MYO1D: variants seen among roughly 807,000 people sequenced by gnomAD.
MYO1D encodes unconventional myosin-Id.
Under a neutral mutation model 122.0 loss-of-function variants are expected in MYO1D, and 83 were observed. That is an observed-to-expected ratio of 0.68 (90% CI 0.57 to 0.82). MYO1D has a LOEUF of 0.82. Ranked by LOEUF, MYO1D falls within the 40% of genes least tolerant of loss-of-function variation. The probability of loss-of-function intolerance (pLI) is 0.00; values close to 1 mark genes in which losing one functional copy is unlikely to be tolerated. For missense variants in MYO1D, 1,157 were observed against 1,269.5 expected, an observed-to-expected ratio of 0.91 and a Z score of 1.35; for synonymous variants, 464 against 446.9, an observed-to-expected ratio of 1.04 and a Z score of -0.48.
intron 21 of MYO1D, chr17:32,496,292 G>C (rs1015344870): frequency 6.6e-6 from 1 of 152,288 alleles, no homozygotes; most frequent in Non-Finnish European, 1.5e-5. Context: ...AGTTTCAGAG[G>C]TAAGTGCGGG....
intron 21 of MYO1D, among the ~76,000 whole-genome samples, chr17:32,579,968 G>T (rs2087315669): frequency 6.6e-6 from 1 of 152,080 alleles, no homozygotes; most frequent in African/African-American, 2.4e-5. Context: ...GTCTTTATAT[G>T]GATAAATGTG....
In MYO1D at chr17:32,851,706, C is replaced by T. The variant is rs140307363; in HGVS notation, c.95+25072G>A. 5.5e-3 allele frequency among the ~76,000 whole-genome samples: 842 copies of T among 152,320 alleles called. 10 individuals are homozygous for T. Among genetic ancestry groups the T allele is most frequent in the African/African-American group, 0.019 (779 of 41,566 alleles). Reference sequence around the variant, plus strand: ...TGGTTTCAGGGTGAAACTGTTCCACCTCAGATCATCAGGCATTAGAGTCTC... The same window carrying T: ...TGGTTTCAGGGTGAAACTGTTCCACTTCAGATCATCAGGCATTAGAGTCTC... On this transcript the variant is annotated intron_variant, in intron 1 of 21. Coordinates refer to ENST00000318217, the MANE Select transcript of MYO1D (RefSeq NM_015194.3).
At chr17:32,861,120 C>A (rs1016622057) in intron 1 of MYO1D, among the ~76,000 whole-genome samples, 1 of 149,876 alleles carries the variant, frequency 6.7e-6, no homozygotes, top group African/African-American at 2.5e-5. Context: ...CCAGGCTGGA[C>A]TGCAGTGGCG....
intron 20 of MYO1D, among the ~76,000 whole-genome samples, chr17:32,611,214 A>C (rs372775027): frequency 1.3e-5 from 2 of 152,256 alleles, no homozygotes; most frequent in East Asian, 3.8e-4. Flanking sequence ...GAAAATCTCT[A>C]ATCCATATTC....
chr17:32,864,003 CTTCCTTTTTTTTTTTTT>C (rs2091100547), intron 1 of MYO1D, among the ~76,000 whole-genome samples: 2 of 24,790 alleles, frequency 8.1e-5, no homozygotes, highest in Admixed American at 9.1e-4. Context: ...ACAAACATTT[CTTCCTTTTTTTTTTTTT>C]TTTTTTTTTT....
At chr17:32,545,151 T>C (rs1411999740) in intron 21 of MYO1D, among the ~76,000 whole-genome samples, 1 of 152,168 alleles carries the variant, frequency 6.6e-6, no homozygotes, top group African/African-American at 2.4e-5. Context: ...CATCTCTCTT[T>C]GGGCAGAGTG....
chr17:32,732,295 C>T lies in MYO1D; in HGVS notation c.1746+5958G>A, dbSNP rs569006044. The stretch of plus-strand genomic sequence containing the variant: ...GGTGAAATCCCACCTTTGGGCCAGG[C>T]TGCCAGTTCCATGGTCCAGAGTGAG... On this transcript the variant is annotated intron_variant, in intron 14 of 21. Coordinates refer to ENST00000318217, the MANE Select transcript of MYO1D (RefSeq NM_015194.3). Among the ~76,000 whole-genome samples, 167 of 152,326 alleles carry T rather than the reference C, an allele frequency of 1.1e-3. 1 individual carries two copies. Among genetic ancestry groups the T allele is most frequent in the African/African-American group, 3.9e-3 (164 of 41,578 alleles).
chr17:32,493,969 A>G lies in MYO1D; in HGVS notation c.*790T>C, dbSNP rs964381628. On this transcript the variant is annotated 3_prime_UTR_variant, in exon 22 of 22. Coordinates refer to ENST00000318217, the MANE Select transcript of MYO1D (RefSeq NM_015194.3). ...TGACCCAAGTGTGGTGACAGCAGGT[A>G]TCTGATTAGCAACCCTGCAAACGGT... 1.3e-5 allele frequency: 2 copies of G among 152,272 alleles called. No homozygotes were observed. Among genetic ancestry groups the G allele is most frequent in the African/African-American group, 2.4e-5 (1 of 41,456 alleles). 9.4% of individuals were successfully genotyped at this position (152,272 alleles called of 1,614,324 possible).
intron 21 of MYO1D, among the ~76,000 whole-genome samples, chr17:32,559,702 C>A (rs2087100251): frequency 6.6e-6 from 1 of 152,186 alleles, no homozygotes; most frequent in African/African-American, 2.4e-5. Context: ...CTAAATTGAA[C>A]ACTTCTGGCA....
chr17:32,781,494 G>A lies in MYO1D; in HGVS notation c.96-710C>T, dbSNP rs567429270. ...TGGGACAGCTGGTTGAAAGGCATGT[G>A]TATTTTTAAAGTATATATAATATGA... is the stretch of plus-strand genomic sequence containing the variant. On this transcript the variant is annotated intron_variant, in intron 1 of 21. Transcript: ENST00000318217. Among the ~76,000 whole-genome samples the A allele has an allele frequency of 3.9e-5, 6 of 152,152 alleles. No homozygotes were observed. The South Asian group carries it at 1.2e-3, about 32-fold the overall frequency.
chr17:32,603,858 T>C (rs2087593613), intron 21 of MYO1D, among the ~76,000 whole-genome samples: 1 of 152,186 alleles, frequency 6.6e-6, no homozygotes, highest in Non-Finnish European at 1.5e-5. Context: ...TTCTTAGCTT[T>C]ACATTTATTT....
chr17:32,801,882 G>GC (rs141428260), intron 1 of MYO1D, among the ~76,000 whole-genome samples: 5,890 of 152,286 alleles, frequency 0.039, 369 homozygotes, highest in African/African-American at 0.13. Flanking sequence ...ATCTTTATGA[G>GC]CAGAAAATAA....
chr17:32,804,248 C>A (rs956880621), intron 1 of MYO1D, among the ~76,000 whole-genome samples: 14 of 151,936 alleles, frequency 9.2e-5, no homozygotes, highest in Non-Finnish European at 1.9e-4. Context: ...AATGATGACC[C>A]AAAAAAGTCT....
chr17:32,540,327 C>CAA (rs34076937), intron 21 of MYO1D, among the ~76,000 whole-genome samples: 9,462 of 69,540 alleles, frequency 0.14, 927 homozygotes, highest in African/African-American at 0.21. Flanking sequence ...GAGACTATCT[C>CAA]AAAAAAAAAA....
chr17:32,575,020 A>G (rs1382683048), intron 21 of MYO1D, among the ~76,000 whole-genome samples: 1 of 152,202 alleles, frequency 6.6e-6, no homozygotes, highest in Non-Finnish European at 1.5e-5. Context: ...AAAGTTACTG[A>G]CATAATCGTG....
chr17:32,508,974 A>G (rs1909593449), intron 21 of MYO1D, among the ~76,000 whole-genome samples: 1 of 152,238 alleles, frequency 6.6e-6, no homozygotes. Flanking sequence ...TGTCTATAGA[A>G]AGAATGAATT....
intron 1 of MYO1D, among the ~76,000 whole-genome samples, chr17:32,841,590 G>A (rs2090882348): frequency 6.6e-6 from 1 of 152,270 alleles, no homozygotes; most frequent in Non-Finnish European, 1.5e-5. Context: ...AATAATAGGT[G>A]TCTACTACAA....
intron 1 of MYO1D, among the ~76,000 whole-genome samples, chr17:32,823,786 G>A (rs977123971): frequency 2.0e-5 from 3 of 152,274 alleles, no homozygotes; most frequent in African/African-American, 7.2e-5. Flanking sequence ...AGAAGTACTA[G>A]GCTGGGTACG....
chr17:32,734,137 T>A (rs1234304687), intron 14 of MYO1D, among the ~76,000 whole-genome samples: 2 of 152,230 alleles, frequency 1.3e-5, no homozygotes, highest in East Asian at 3.9e-4. Context: ...AGATCTGATG[T>A]CCTTGGCAAC....
Sources: allele counts gnomAD v4.1 joint callset (sites outside exome capture counted in the v4.1 genomes callset), GRCh38; gene constraint gnomAD v4.1.1; transcripts MANE v1.5; gene names NCBI Gene and HGNC (gene_info 2026-07-23, HGNC 2026-07-21).